CD36: variants seen among roughly 807,000 people sequenced by gnomAD.
The protein encoded by CD36 is CD36 molecule (CD36 blood group).
CD36 carries 119 observed loss-of-function variants against 55.2 expected under a neutral mutation model. That is an observed-to-expected ratio of 2.15 (90% CI 1.86 to 2.51). CD36 has a LOEUF of 2.51. Among genes scored for constraint, CD36 ranks in the 30% most tolerant of loss-of-function variants. CD36 has a pLI of 0.00. For synonymous variants in CD36, 186 were observed against 193.6 expected, an observed-to-expected ratio of 0.96 and a Z score of 0.33; for missense variants, 819 against 555.5, an observed-to-expected ratio of 1.47 and a Z score of -4.77.
At chr7:80,632,429 G>T (rs1238713622) in intron 1 of CD36, among the ~76,000 whole-genome samples, 1 of 152,008 alleles carries the variant, frequency 6.6e-6, no homozygotes, top group Non-Finnish European at 1.5e-5. Flanking sequence ...GTATACACAT[G>T]CATATCTGCA....
In CD36 at chr7:80,676,832, C is replaced by G. The variant is rs1798180977; in HGVS notation, c.*449C>G. 1 of 151,482 alleles carries G rather than the reference C, an allele frequency of 6.6e-6. No homozygotes were observed. Among genetic ancestry groups the G allele is most frequent in the African/African-American group, 2.4e-5 (1 of 41,216 alleles). 9.4% of individuals were successfully genotyped at this position (151,482 alleles called of 1,614,324 possible). A position where few individuals can be genotyped will look rare whatever the true frequency, so the allele number is the denominator to read the frequency against. On this transcript the variant is annotated 3_prime_UTR_variant, in exon 15 of 15. Transcript: ENST00000447544. ...CTTTTTTTTTTTTACTCAGTTGCAA[C>G]TTACGCTTGGCATCTTCAGAATGCT...
chr7:80,651,208 G>A (rs1050049369), intron 3 of CD36, among the ~76,000 whole-genome samples: 1 of 152,014 alleles, frequency 6.6e-6, no homozygotes, highest in African/African-American at 2.4e-5. Context: ...ATATAAAGAA[G>A]GGAACAATAG....
intron 1 of CD36, among the ~76,000 whole-genome samples, chr7:80,641,506 A>G (rs13233631): frequency 0.48 from 73,389 of 151,870 alleles, 18,372 homozygotes; most frequent in Non-Finnish European, 0.55. Flanking sequence ...AATGGAAAAC[A>G]AGAGTGTGGT....
intron 1 of CD36, among the ~76,000 whole-genome samples, chr7:80,607,846 A>G (rs891230694): frequency 2.0e-5 from 3 of 152,080 alleles, no homozygotes; most frequent in Admixed American, 1.3e-4. Context: ...ATTTCGGCTC[A>G]CTGCAACCTC....
At chr7:80,604,685 G>A (rs749250050) in intron 1 of CD36, among the ~76,000 whole-genome samples, 8 of 151,782 alleles carry the variant, frequency 5.3e-5, no homozygotes, top group Non-Finnish European at 1.0e-4. Flanking sequence ...GTGCTCAAAT[G>A]GAAAACCATT....
intron 13 of CD36, chr7:80,673,626 ATT>A (rs1797949410): frequency 1.8e-6 from 1 of 565,406 alleles, no homozygotes; most frequent in Admixed American, 3.3e-5. Flanking sequence ...TATTAAACAC[ATT>A]TTCTTGTTGT....
At chr7:80,626,098 C>G (rs1188613164) in intron 1 of CD36, 1 of 152,016 alleles carries the variant, frequency 6.6e-6, no homozygotes, top group African/African-American at 2.4e-5. Context: ...TCAGTGGACT[C>G]CTAACTATCT....
chr7:80,637,224 C>T (rs934593218), upstream of CD36, among the ~76,000 whole-genome samples: 1 of 151,834 alleles, frequency 6.6e-6, no homozygotes, highest in African/African-American at 2.4e-5. Flanking sequence ...AATAAATTAG[C>T]TTAAATACAA....
At chr7:80,614,342 T>C (rs984356921) in intron 1 of CD36, among the ~76,000 whole-genome samples, 1 of 152,192 alleles carries the variant, frequency 6.6e-6, no homozygotes, top group South Asian at 2.1e-4. Flanking sequence ...AGGTTCTCTT[T>C]CACTCTTTAT....
intron 12 of CD36, chr7:80,673,070 C>A: frequency 1.8e-6 from 1 of 541,774 alleles, no homozygotes; most frequent in Non-Finnish European, 3.3e-6. Context: ...ATTTTGTTAG[C>A]TGCCCAAATA....
chr7:80,629,461 T>A (rs116030333), intron 1 of CD36, among the ~76,000 whole-genome samples: 2,524 of 152,138 alleles, frequency 0.017, 72 homozygotes, highest in African/African-American at 0.057. Context: ...TACCTTGACA[T>A]TTTTAGAGGC....
intron 1 of CD36, among the ~76,000 whole-genome samples, chr7:80,642,117 C>A (rs187827686): frequency 6.6e-6 from 1 of 152,072 alleles, no homozygotes; most frequent in Non-Finnish European, 1.5e-5. Context: ...TATTAAAACA[C>A]GTCTTCTTAT....
At chr7:80,638,852 TAGG>T (rs1240678318) in intron 1 of CD36, 106 bp downstream of exon 1, 1 of 151,288 alleles carries the variant, frequency 6.6e-6, no homozygotes. Flanking sequence ...AGAAGTTATA[TAGG>T]AGGACAGGAA....
chr7:80,652,427 T>C (rs534460154), intron 3 of CD36, among the ~76,000 whole-genome samples: 15 of 152,228 alleles, frequency 9.9e-5, no homozygotes, highest in South Asian at 4.1e-4. Context: ...TAGTTGATGA[T>C]GATGTTCTGA....
At chr7:80,671,595 A>AAAGCTAGAGTT (rs1156507665) in intron 10 of CD36, among the ~76,000 whole-genome samples, 1 of 152,096 alleles carries the variant, frequency 6.6e-6, no homozygotes, top group Non-Finnish European at 1.5e-5. Flanking sequence ...GTATGTATCT[A>AAAGCTAGAGTT]AAGCTAGAGT....
rs753717189 is a variant in CD36, at chr7:80,673,963, G to A, written c.1255-20G>A. ...TTTACTAACGTACCCAAATAATGTT[G>A]ATTATTAACTTGATTACAGACTGGG... is the stretch of plus-strand genomic sequence containing the variant. On this transcript the variant is annotated intron_variant, in intron 13 of 14. Transcript: ENST00000447544. 44 of 1,598,086 alleles carry A rather than the reference G, an allele frequency of 2.8e-5. No individual in the cohort carries two copies. In the East Asian group the frequency reaches 8.8e-4, roughly 32 times the overall value.
chr7:80,650,680 A>G (rs569111337), intron 3 of CD36, among the ~76,000 whole-genome samples: 2 of 152,188 alleles, frequency 1.3e-5, no homozygotes, highest in South Asian at 2.1e-4. Context: ...TGAGAAAATC[A>G]TTTCATATTT....
chr7:80,618,892 G>T (rs1793309429), intron 1 of CD36, among the ~76,000 whole-genome samples: 1 of 152,172 alleles, frequency 6.6e-6, no homozygotes, highest in South Asian at 2.1e-4. Context: ...CATTAGTGAA[G>T]GTGGCTACAC....
In CD36 at chr7:80,667,747, G is replaced by GTTTTTTTTTTTTTTTTTTTTT. The variant is rs1165767460; in HGVS notation, c.748+1259_748+1279dup. ...GTTGGATTTGCAGGGGTTTTCTTTT[G>GTTTTTTTTTTTTTTTTTTTTT]TTTTTTTTTTTTTTTTTTTTTGAGA... On this transcript the variant is annotated intron_variant, in intron 8 of 14. Transcript: ENST00000447544. Among the ~76,000 whole-genome samples the GTTTTTTTTTTTTTTTTTTTTT allele has an allele frequency of 1.9e-4, 16 of 82,638 alleles. 1 individual carries two copies. Among genetic ancestry groups the GTTTTTTTTTTTTTTTTTTTTT allele is most frequent in the African/African-American group, 6.2e-4 (15 of 24,112 alleles). 54.2% of individuals were successfully genotyped at this position (82,638 alleles called of 152,430 possible).
Sources: gnomAD v4.1 joint callset for allele counts (sites outside exome capture counted in the v4.1 genomes callset) on GRCh38, gnomAD v4.1.1 for gene constraint, MANE v1.5 for transcripts, NCBI Gene and HGNC (gene_info 2026-07-23, HGNC 2026-07-21) for gene names.